The following ATAD2B variants were observed in gnomAD, a reference collection of about 807,000 sequenced individuals.
ATAD2B encodes the protein ATPase family AAA domain containing 2B.
ATAD2B carries 40 observed loss-of-function variants against 167.6 expected under a neutral mutation model. The ratio of observed to expected loss-of-function variants is 0.24; its 90% CI spans 0.19 to 0.31. The LOEUF (loss-of-function observed/expected upper bound fraction) is 0.31. Among genes scored for constraint, ATAD2B ranks in the 10% least tolerant of loss-of-function variants. ATAD2B has a pLI of 1.00. For missense variants in ATAD2B, 1,242 were observed against 1,757.2 expected (o/e 0.71, Z 5.24); for synonymous variants, 579 against 596.5 (o/e 0.97, Z 0.43).
chr2:23,917,679 C>A (rs1031908450), intron 1 of ATAD2B, among the ~76,000 whole-genome samples: 1 of 152,038 alleles, frequency 6.6e-6, no homozygotes, highest in Non-Finnish European at 1.5e-5. Flanking sequence ...GTAATCCCAG[C>A]TACTCGGCAG....
At chr2:23,819,328 T>C (rs1572896905) in intron 17 of ATAD2B, among the ~76,000 whole-genome samples, 1 of 152,136 alleles carries the variant, frequency 6.6e-6, no homozygotes, top group East Asian at 1.9e-4. Flanking sequence ...CCATCTCTAC[T>C]AAAAATGCAA....
intron 8 of ATAD2B, among the ~76,000 whole-genome samples, chr2:23,870,969 A>T (rs895017001): frequency 1.3e-5 from 2 of 152,170 alleles, no homozygotes; most frequent in African/African-American, 4.8e-5. Context: ...TAAGACACCT[A>T]AAAAATACTA....
the ATAD2B span, among the ~76,000 whole-genome samples, chr2:23,683,533 G>T: frequency 6.6e-6 from 1 of 152,222 alleles, no homozygotes; most frequent in Non-Finnish European, 1.5e-5. Context: ...CCTTGGGGTG[G>T]GTCTGGGAGA....
intron 1 of ATAD2B, among the ~76,000 whole-genome samples, chr2:23,904,351 T>C (rs931674767): frequency 1.3e-5 from 2 of 152,120 alleles, no homozygotes; most frequent in African/African-American, 4.8e-5. Context: ...CCTGAGGATT[T>C]GTAAGTAAGA....
chr2:23,711,342 CTTTTTTTTTTTTTTTTTTTTTTT>C, the ATAD2B span, among the ~76,000 whole-genome samples: 27 of 79,796 alleles, frequency 3.4e-4, no homozygotes, highest in Non-Finnish European at 4.5e-4. Context: ...GAATTTCTTT[CTTTTTTTTTTTTTTTTTTTTTTT>C]TTTTTTTTTT....
intron 2 of ATAD2B, among the ~76,000 whole-genome samples, chr2:23,893,911 G>C (rs1699860523): frequency 1.3e-5 from 2 of 151,858 alleles, no homozygotes; most frequent in African/African-American, 4.8e-5. Flanking sequence ...CAATCCTCCT[G>C]CCTTGGCCTC....
At chr2:23,785,446 G>C (rs940855028) in intron 21 of ATAD2B, among the ~76,000 whole-genome samples, 3 of 152,004 alleles carry the variant, frequency 2.0e-5, no homozygotes, top group Non-Finnish European at 4.4e-5. Context: ...CACAAACCAT[G>C]CTCCCACAAG....
intron 9 of ATAD2B, 80 bp from the exon 10 acceptor site, chr2:23,868,026 T>C: frequency 3.4e-6 from 3 of 887,244 alleles, no homozygotes; most frequent in Non-Finnish European, 5.5e-6. Context: ...CATTCTTTGA[T>C]GTGTCTTCAT....
At chr2:23,913,872 C>T (rs1007269733) in intron 1 of ATAD2B, among the ~76,000 whole-genome samples, 1 of 152,008 alleles carries the variant, frequency 6.6e-6, no homozygotes, top group Non-Finnish European at 1.5e-5. Flanking sequence ...GAGGCTGAGG[C>T]GAGAGGATTG....
chr2:23,815,241 T>C (rs1244448083), intron 17 of ATAD2B, among the ~76,000 whole-genome samples: 3 of 152,174 alleles, frequency 2.0e-5, no homozygotes, highest in Non-Finnish European at 2.9e-5. Context: ...TCTGCTATAG[T>C]AACCCAGGCA....
chr2:23,813,439 C>A (rs1281380115), intron 17 of ATAD2B, among the ~76,000 whole-genome samples: 1 of 150,954 alleles, frequency 6.6e-6, no homozygotes, highest in Non-Finnish European at 1.5e-5. Context: ...AGAAAAGAAT[C>A]ATAAAAAATA....
chr2:23,807,132 T>A (rs1049000642), intron 18 of ATAD2B, among the ~76,000 whole-genome samples: 4 of 152,154 alleles, frequency 2.6e-5, no homozygotes, highest in Admixed American at 1.3e-4. Flanking sequence ...TCACTCCCAA[T>A]GCAGAGATCT....
intron 2 of ATAD2B, 125 bp downstream of exon 2, chr2:23,895,694 T>A (rs190544828): frequency 3.3e-6 from 2 of 604,278 alleles, no homozygotes; most frequent in Non-Finnish European, 5.1e-6. Flanking sequence ...ATAAGTTTAA[T>A]ACAATTTACT....
rs867113679 is a variant in ATAD2B, at chr2:23,895,863, A to G, written c.324T>C (p.Ser108=). ...SVCKDKSKSR[S]TGQREEWNLS... ...AGTTCCATTCCTCTCGCTGACCAGTACTTCGTGATTTTGATTTGTCTTTGC... is the reference window on the plus strand; with the variant it reads ...AGTTCCATTCCTCTCGCTGACCAGTGCTTCGTGATTTTGATTTGTCTTTGC... The change falls in exon 2 of 28, where the codon AGT becomes AGC. Residue 108 remains serine (S), a synonymous_variant. Transcript: ENST00000238789. 3.1e-6 allele frequency: 5 copies of G among 1,613,060 alleles called. No individual in the cohort carries two copies. Among genetic ancestry groups the G allele is most frequent in the Non-Finnish European group, 4.2e-6 (5 of 1,179,428 alleles).
chr2:23,888,019 C>G, intron 3 of ATAD2B, 34 bp from the exon 4 acceptor site: 1 of 1,451,544 alleles, frequency 6.9e-7, no homozygotes. Flanking sequence ...TTTCAAAGTA[C>G]AGAATACAGA....
intron 17 of ATAD2B, among the ~76,000 whole-genome samples, 174 bp downstream of exon 17, chr2:23,819,569 AAACT>A (rs984209973): frequency 9.2e-5 from 14 of 152,234 alleles, no homozygotes; most frequent in South Asian, 2.1e-4. Context: ...GTTAACCAAC[AAACT>A]AACTATTACC....
the ATAD2B span, among the ~76,000 whole-genome samples, chr2:23,718,780 T>C: frequency 3.3e-5 from 5 of 152,204 alleles, no homozygotes; most frequent in Non-Finnish European, 7.3e-5. Flanking sequence ...AAGAATCCAC[T>C]TCCTTGCCTT....
chr2:23,696,525 A>G, the ATAD2B span: 1 of 1,510,126 alleles, frequency 6.6e-7, no homozygotes, highest in Non-Finnish European at 8.9e-7. The surrounding 1 kb of genome is among the most constrained non-coding windows in gnomAD (Gnocchi z 5.5). Flanking sequence ...TAATGAGGCC[A>G]CGGTCAGGAC....
the ATAD2B span, chr2:23,693,341 AC>A: frequency 6.4e-7 from 1 of 1,551,490 alleles, no homozygotes; most frequent in Admixed American, 2.0e-5. Flanking sequence ...AGCGAGCTCT[AC>A]CACATGGCCA....
Sources: allele counts gnomAD v4.1 joint callset (sites outside exome capture counted in the v4.1 genomes callset), GRCh38; gene constraint gnomAD v4.1.1; non-coding constraint Gnocchi (gnomAD v3.1); transcripts MANE v1.5; gene names NCBI Gene and HGNC (gene_info 2026-07-23, HGNC 2026-07-21).